The following TBC1D31 variants were observed in gnomAD, a reference collection of about 807,000 sequenced individuals.
TBC1D31 encodes the protein TBC1 domain family member 31, also known as WD repeat domain 67.
In TBC1D31, 99 loss-of-function variants were observed where a neutral mutation model predicts 132.9. The ratio of observed to expected loss-of-function variants is 0.74; its 90% confidence interval spans 0.63 to 0.88. The LOEUF (loss-of-function observed/expected upper bound fraction) is 0.88, where lower values mean the gene tolerates loss of function less well. TBC1D31 is among the 40% of genes least tolerant of loss of function. The pLI, the probability that TBC1D31 is intolerant of heterozygous loss-of-function variation, is 0.00. For missense variants in TBC1D31, 1,134 were observed against 1,256.6 expected (o/e 0.90, Z 1.48); for synonymous variants, 385 against 419.4 (o/e 0.92, Z 1.00).
chr8:123,142,176 G>C (rs1821768311), intron 18 of TBC1D31, 86 bp from the exon 19 acceptor site: 27 of 985,878 alleles, frequency 2.7e-5, no homozygotes, highest in Middle Eastern at 6.6e-4. Context: ...AACTGCCCCA[G>C]ACACTTGGAT....
chr8:123,093,756 T>G lies in TBC1D31; in HGVS notation c.671+14T>G. 6.7e-7 allele frequency: 1 copy of G among 1,500,164 alleles called. No homozygotes were observed. Among genetic ancestry groups the G allele is most frequent in the Admixed American group, 1.9e-5 (1 of 52,880 alleles). 92.9% of individuals were successfully genotyped at this position (1,500,164 alleles called of 1,614,324 possible). On this transcript the variant is annotated intron_variant, in intron 5 of 21. Transcript: ENST00000287380. Reference sequence around the variant, plus strand: ...TGCTGTAACCAGGTAATGTGCATTTTAAGACACTAGGAATATTTAAGAAAT... The same window carrying G: ...TGCTGTAACCAGGTAATGTGCATTTGAAGACACTAGGAATATTTAAGAAAT...
At chr8:123,112,860 A>T (rs1248987969) in intron 10 of TBC1D31, among the ~76,000 whole-genome samples, 2 of 152,190 alleles carry the variant, frequency 1.3e-5, no homozygotes, top group African/African-American at 4.8e-5. Flanking sequence ...TTTGGTCTTC[A>T]CACTTACTAT....
At chr8:123,158,397 G>A in the TBC1D31 span, among the ~76,000 whole-genome samples, 1 of 152,152 alleles carries the variant, frequency 6.6e-6, no homozygotes, top group African/African-American at 2.4e-5. Flanking sequence ...AGGAAATTGA[G>A]ACAGAACTCT....
chr8:123,115,369 C>A (rs1818822188), intron 10 of TBC1D31, among the ~76,000 whole-genome samples: 1 of 152,168 alleles, frequency 6.6e-6, no homozygotes, highest in Non-Finnish European at 1.5e-5. Flanking sequence ...TCCTTACATT[C>A]TCTGGAATTC....
intron 17 of TBC1D31, among the ~76,000 whole-genome samples, chr8:123,138,763 A>C (rs1385304693): frequency 4.0e-5 from 6 of 151,862 alleles, no homozygotes; most frequent in Non-Finnish European, 8.8e-5. Context: ...TTTTCTTTGG[A>C]GATAGTGTGA....
chr8:123,082,991 A>G, intron 3 of TBC1D31, 174 bp downstream of exon 3: 2 of 557,640 alleles, frequency 3.6e-6, no homozygotes, highest in Non-Finnish European at 6.3e-6. Flanking sequence ...TCAGTTGACT[A>G]CAAAGTCAGG....
At chr8:123,072,986 A>C (rs771271626) in intron 1 of TBC1D31, 140 bp downstream of exon 1, 4 of 814,386 alleles carry the variant, frequency 4.9e-6, no homozygotes, top group Non-Finnish European at 7.8e-6. Context: ...GCGGTGGAAC[A>C]GATGGCTCCG....
At chr8:123,077,305 C>G in intron 2 of TBC1D31, 48 bp downstream of exon 2, 1 of 1,517,918 alleles carries the variant, frequency 6.6e-7, no homozygotes, top group Non-Finnish European at 8.9e-7. Context: ...GTTATTAATT[C>G]ACTGACTGTT....
chr8:123,111,938 C>T (rs1042633780), intron 10 of TBC1D31, among the ~76,000 whole-genome samples: 1 of 152,138 alleles, frequency 6.6e-6, no homozygotes, highest in African/African-American at 2.4e-5. Flanking sequence ...ACTGTAACCT[C>T]GAACTCCTGG....
intron 10 of TBC1D31, among the ~76,000 whole-genome samples, chr8:123,114,917 T>C (rs919004695): frequency 6.6e-6 from 1 of 152,242 alleles, no homozygotes; most frequent in African/African-American, 2.4e-5. Flanking sequence ...CATGGACCTC[T>C]TTCTCTCAGT....
rs1265372315 is a variant in TBC1D31, at chr8:123,093,610, G to A, written c.539G>A (p.Ser180Asn). 1.2e-6 allele frequency: 2 copies of A among 1,607,108 alleles called. No individual in the cohort carries two copies. Among genetic ancestry groups the A allele is most frequent in the African/African-American group, 2.7e-5 (2 of 74,896 alleles). Residue 180 changes from serine (S) to asparagine (N), a missense_variant, in exon 5 of 22, where the codon AGT (serine) becomes AAT (asparagine). Transcript: ENST00000287380. ...CCTTAGGTTTTCTTTCTACCATTAA[G>A]TAATACCATCCTCAGCTGTTTTAAA... is the stretch of plus-strand genomic sequence containing the variant. ...GIQKVFFLPL[S>N]NTILSCFKDN... is the part of the protein sequence containing the mutation.
intron 15 of TBC1D31, among the ~76,000 whole-genome samples, 157 bp from the exon 16 acceptor site, chr8:123,130,041 A>G (rs1465341778): frequency 6.6e-6 from 1 of 152,216 alleles, no homozygotes; most frequent in Non-Finnish European, 1.5e-5. Context: ...ATAAGTATAC[A>G]TCATCTTTGG....
intron 4 of TBC1D31, 90 bp downstream of exon 4, chr8:123,084,430 C>A: frequency 1.6e-6 from 2 of 1,277,132 alleles, no homozygotes; most frequent in Non-Finnish European, 2.2e-6. Context: ...AGTAATGATT[C>A]ACTTTGTCCT....
chr8:123,132,994 G>T (rs1326575653), intron 16 of TBC1D31, among the ~76,000 whole-genome samples: 2 of 152,114 alleles, frequency 1.3e-5, no homozygotes, highest in African/African-American at 4.8e-5. Flanking sequence ...TCAGCAACAT[G>T]ATCTGGCCTC....
chr8:123,135,504 G>T (rs1206623173), intron 17 of TBC1D31, among the ~76,000 whole-genome samples: 1 of 152,158 alleles, frequency 6.6e-6, no homozygotes, highest in East Asian at 1.9e-4. Flanking sequence ...AGGATGCTGA[G>T]GTGGGAGGAT....
At chr8:123,080,683 T>C (rs1015850805) in intron 2 of TBC1D31, among the ~76,000 whole-genome samples, 3 of 151,890 alleles carry the variant, frequency 2.0e-5, no homozygotes, top group Non-Finnish European at 4.4e-5. Flanking sequence ...ACTACAGGTA[T>C]GTGCCACCAC....
intron 16 of TBC1D31, among the ~76,000 whole-genome samples, chr8:123,131,363 CAAAAAAAAAA>C (rs59929988): frequency 2.6e-3 from 170 of 64,920 alleles, no homozygotes; most frequent in African/African-American, 9.4e-3. Context: ...GACTCAGTCT[CAAAAAAAAAA>C]AAAAAAAAAA....
intron 16 of TBC1D31, among the ~76,000 whole-genome samples, chr8:123,131,336 C>G (rs1434680564): frequency 6.5e-5 from 9 of 138,060 alleles, no homozygotes; most frequent in Non-Finnish European, 1.4e-4. Flanking sequence ...TGCACTCCAG[C>G]CTGAGCGACA....
At chr8:123,116,122 A>G (rs1339640478) in intron 10 of TBC1D31, among the ~76,000 whole-genome samples, 1 of 152,240 alleles carries the variant, frequency 6.6e-6, no homozygotes, top group African/African-American at 2.4e-5. Context: ...TGCAGAGTCT[A>G]ACAATAGACC....
Sources: gnomAD v4.1 joint callset for allele counts (sites outside exome capture counted in the v4.1 genomes callset) on GRCh38, gnomAD v4.1.1 for gene constraint, MANE v1.5 for transcripts, NCBI Gene and HGNC (gene_info 2026-07-23, HGNC 2026-07-21) for gene names.